The following ATP6V1B2 variants were observed in gnomAD, a reference collection of about 807,000 sequenced individuals.
The protein encoded by ATP6V1B2 is V-type proton ATPase subunit B, brain isoform.
Under a neutral mutation model 66.7 loss-of-function variants are expected in ATP6V1B2, and 23 were observed. That is an observed-to-expected ratio of 0.34 (90% CI 0.25 to 0.49). The LOEUF is 0.49. ATP6V1B2 is among the 20% of genes least tolerant of loss of function. The probability of loss-of-function intolerance (pLI) is 0.99; values close to 1 mark genes in which losing one functional copy is unlikely to be tolerated. For synonymous variants in ATP6V1B2, 278 were observed against 236.7 expected (o/e 1.17, Z -1.60); for missense variants, 478 against 650.8 (o/e 0.73, Z 2.89).
Position 20,219,946 on chromosome 8 carries a change from T to C in ATP6V1B2, c.1397-317T>C, listed in dbSNP as rs113583497. Among the ~76,000 whole-genome samples, 354 of 152,332 alleles carry C rather than the reference T, an allele frequency of 2.3e-3. 3 individuals carry two copies. The highest frequency in any genetic ancestry group is 7.9e-3 in the African/African-American group (330 of 41,576). ...TAGGGAGACTTTTCTTACTAATCTC[T>C]GGACAAAACATTGATTCTAGTTTCC... On this transcript the variant is annotated intron_variant, in intron 13 of 13. Coordinates refer to ENST00000276390, the MANE Select transcript of ATP6V1B2 (RefSeq NM_001693.4).
intron 3 of ATP6V1B2, among the ~76,000 whole-genome samples, chr8:20,209,837 C>T (rs2072775461): frequency 1.3e-5 from 2 of 152,050 alleles, no homozygotes; most frequent in South Asian, 4.2e-4. Context: ...GAGTTTCTTC[C>T]TTTAAATTAT....
chr8:20,209,285 G>A (rs938469733), intron 2 of ATP6V1B2, 148 bp from the exon 3 acceptor site: 20 of 665,366 alleles, frequency 3.0e-5, no homozygotes, highest in Non-Finnish European at 2.6e-5. Flanking sequence ...AACTACCTGA[G>A]GGTATTGAAA....
chr8:20,200,329 A>G (rs549910647), intron 1 of ATP6V1B2, among the ~76,000 whole-genome samples: 32 of 152,178 alleles, frequency 2.1e-4, no homozygotes, highest in African/African-American at 7.7e-4. Context: ...AAAGCTTCAC[A>G]CTGAACCTTT....
In ATP6V1B2 at chr8:20,211,756, A is replaced by G; in HGVS notation, c.705+3A>G. On this transcript the variant is annotated splice_donor_region_variant and intron_variant, in intron 7 of 13. Coordinates refer to ENST00000276390, the MANE Select transcript of ATP6V1B2 (RefSeq NM_001693.4). ...CAATTGTATTTGCTGCTATGGGTGTAAGTAGAATTTTTGTTTTAGTATGAT... is the reference window on the plus strand; with the variant it reads ...CAATTGTATTTGCTGCTATGGGTGTGAGTAGAATTTTTGTTTTAGTATGAT... 1 of 1,592,912 alleles carries G rather than the reference A, an allele frequency of 6.3e-7. No homozygotes were observed. The highest frequency in any genetic ancestry group is 8.5e-7 in the Non-Finnish European group (1 of 1,172,614).
intron 1 of ATP6V1B2, among the ~76,000 whole-genome samples, chr8:20,199,160 A>G (rs1203469298): frequency 6.6e-6 from 1 of 152,208 alleles, no homozygotes; most frequent in African/African-American, 2.4e-5. Flanking sequence ...AGAGAGATGA[A>G]TATGATTTCT....
intron 10 of ATP6V1B2, chr8:20,215,919 A>G (rs2072850020): frequency 1.3e-5 from 2 of 152,660 alleles, no homozygotes; most frequent in Admixed American, 1.3e-4. Context: ...TGAACTAAGA[A>G]TGTTCTTAGT....
At chr8:20,214,143 G>C (rs979256793) in intron 9 of ATP6V1B2, 2 of 152,124 alleles carry the variant, frequency 1.3e-5, no homozygotes, top group Admixed American at 6.6e-5. Context: ...CTTAGAAGTT[G>C]GATTTCATAA....
At chr8:20,201,561 CAT>C (rs1466931656) in intron 1 of ATP6V1B2, among the ~76,000 whole-genome samples, 1 of 152,048 alleles carries the variant, frequency 6.6e-6, no homozygotes, top group Admixed American at 6.6e-5. Context: ...GTATGATCTC[CAT>C]ACTTTTTAAT....
intron 7 of ATP6V1B2, 138 bp downstream of exon 7, chr8:20,211,891 A>G: frequency 1.2e-6 from 1 of 853,672 alleles, no homozygotes; most frequent in Non-Finnish European, 1.8e-6. Context: ...CAAATTAAGG[A>G]CTAAAATTTG....
At chr8:20,198,679 G>A (rs1222012517) in intron 1 of ATP6V1B2, among the ~76,000 whole-genome samples, 1 of 152,294 alleles carries the variant, frequency 6.6e-6, no homozygotes, top group South Asian at 2.1e-4. Context: ...AAGGATTTCA[G>A]ATGAAGGGTG....
chr8:20,212,199 C>A lies in ATP6V1B2; in HGVS notation c.803C>A (p.Thr268Asn), dbSNP rs369198184. The A allele has an allele frequency of 1.2e-6, 2 of 1,612,460 alleles. No homozygotes were observed. The highest frequency in any genetic ancestry group is 1.7e-6 in the Non-Finnish European group (2 of 1,178,870). Reference protein sequence around the residue: ...CLFLNLANDPTIERIITPRLA... With the variant: ...CLFLNLANDPNIERIITPRLA... Reference sequence around the variant, plus strand: ...TTTTTGAACTTGGCTAATGACCCAACGTAAGTAACAGAGCTATTTCTTTCT... The same window carrying A: ...TTTTTGAACTTGGCTAATGACCCAAAGTAAGTAACAGAGCTATTTCTTTCT... Residue 268 changes from threonine to asparagine, a missense_variant and splice_region_variant, in exon 8 of 14, where the codon ACC (threonine) becomes AAC (asparagine). Transcript: ENST00000276390.
intron 9 of ATP6V1B2, 148 bp downstream of exon 9, chr8:20,213,053 T>C: frequency 8.8e-7 from 1 of 1,130,140 alleles, no homozygotes; most frequent in Non-Finnish European, 1.2e-6. Context: ...GAAAGGAAAC[T>C]ACTTCGTTTT....
At chr8:20,209,582 GA>G (rs1487701132) in intron 3 of ATP6V1B2, 51 bp downstream of exon 3, 2 of 1,469,194 alleles carry the variant, frequency 1.4e-6, no homozygotes, top group South Asian at 1.1e-5. Context: ...TACACATAGG[GA>G]ACACTGCTTG....
intron 13 of ATP6V1B2, 71 bp downstream of exon 13, chr8:20,218,353 A>G: frequency 6.4e-7 from 1 of 1,563,430 alleles, no homozygotes; most frequent in Non-Finnish European, 8.7e-7. Flanking sequence ...TCCAAGCCTA[A>G]GAAAATTCTC....
chr8:20,220,216 A>T (rs370295371), intron 13 of ATP6V1B2, 47 bp from the exon 14 acceptor site: 2 of 1,588,342 alleles, frequency 1.3e-6, no homozygotes, highest in Non-Finnish European at 1.7e-6. Flanking sequence ...TAACACTGCT[A>T]AGTTGGAAGT....
rs2072897491 is a variant in ATP6V1B2 at position 20,220,537 on chromosome 8, CAT to C, written c.*138_*139del. 5 of 1,264,402 alleles carry C rather than the reference CAT, an allele frequency of 4.0e-6. No homozygotes were observed. In the South Asian group the frequency reaches 9.2e-5, roughly 23 times the overall value. 78.3% of individuals were successfully genotyped at this position (1,264,402 alleles called of 1,614,324 possible). Reference sequence around the variant, plus strand: ...GTAATTAAAAACAAAGAATAGGTAACATATTGTGCCAGTGTTGCAACGTTTTA... The same window carrying C: ...GTAATTAAAAACAAAGAATAGGTAACATTGTGCCAGTGTTGCAACGTTTTA... On this transcript the variant is annotated 3_prime_UTR_variant, in exon 14 of 14. Coordinates refer to ENST00000276390, the MANE Select transcript of ATP6V1B2 (RefSeq NM_001693.4).
Position 20,212,048 on chromosome 8 carries a change from A to G in ATP6V1B2, c.706-54A>G, listed in dbSNP as rs1307817604. On this transcript the variant is annotated intron_variant, in intron 7 of 13. Coordinates refer to ENST00000276390, the MANE Select transcript of ATP6V1B2 (RefSeq NM_001693.4). ...ATCTGTAGCTTGGCTTTCATCAGAA[A>G]TAAATGTTAAGGATTTTTCTTCTCC... 11 of 1,497,584 alleles carry G rather than the reference A, an allele frequency of 7.3e-6. No homozygotes were observed. The East Asian group carries it at 2.5e-4, about 34-fold the overall frequency. 92.8% of individuals were successfully genotyped at this position (1,497,584 alleles called of 1,614,324 possible).
rs1407924487 is a variant in ATP6V1B2, at chr8:20,197,394, C to G, written c.-13C>G. 2.0e-6 allele frequency: 3 copies of G among 1,526,860 alleles called. No individual in the cohort carries two copies. Among genetic ancestry groups the G allele is most frequent in the East Asian group, 2.7e-5 (1 of 36,604 alleles). 94.6% of individuals were successfully genotyped at this position (1,526,860 alleles called of 1,614,324 possible). A position where few individuals can be genotyped will look rare whatever the true frequency, so the allele number is the denominator to read the frequency against. On this transcript the variant is annotated 5_prime_UTR_variant, in exon 1 of 14. Transcript: ENST00000276390. Reference sequence around the variant, plus strand: ...GGCGTCGCTGCTGGGCCAGTCGGGACAGAGGAGACAAGATGGCGCTGCGGG... The same window carrying G: ...GGCGTCGCTGCTGGGCCAGTCGGGAGAGAGGAGACAAGATGGCGCTGCGGG...
intron 1 of ATP6V1B2, among the ~76,000 whole-genome samples, chr8:20,200,121 G>A (rs560252522): frequency 6.6e-6 from 1 of 151,994 alleles, no homozygotes; most frequent in Non-Finnish European, 1.5e-5. Context: ...TCCCACCTCA[G>A]CCTCTCAAGT....
Sources: allele counts gnomAD v4.1 joint callset (sites outside exome capture counted in the v4.1 genomes callset), GRCh38; gene constraint gnomAD v4.1.1; transcripts MANE v1.5; gene names NCBI Gene and HGNC (gene_info 2026-07-23, HGNC 2026-07-21).